The following ZMAT4 variants were observed in gnomAD, a reference collection of about 807,000 sequenced individuals.
ZMAT4 encodes zinc finger matrin-type protein 4.
Under a neutral mutation model 28.7 loss-of-function variants are expected in ZMAT4, and 17 were observed. That is an observed-to-expected ratio of 0.59 (90% confidence interval 0.41 to 0.89). The LOEUF is 0.89. Ranked by LOEUF, ZMAT4 falls within the 40% of genes least tolerant of loss-of-function variation. The pLI is 0.00. For synonymous variants in ZMAT4, 117 were observed against 109.2 expected (o/e 1.07, Z -0.44); for missense variants, 240 against 283.8 (o/e 0.85, Z 1.11).
chr8:40,589,731 C>CCTTTTTT (rs1554523987), intron 5 of ZMAT4, among the ~76,000 whole-genome samples: 16 of 139,274 alleles, frequency 1.1e-4, no homozygotes, highest in South Asian at 2.4e-4. Flanking sequence ...TTCTTCCTTT[C>CCTTTTTT]CTTTCTTTCT....
intron 5 of ZMAT4, among the ~76,000 whole-genome samples, chr8:40,591,407 T>C (rs1216863350): frequency 2.0e-5 from 3 of 152,150 alleles, no homozygotes; most frequent in Non-Finnish European, 2.9e-5. Context: ...GCCAGATGTG[T>C]GTGCAGGAAC....
chr8:40,874,985 G>A (rs910387899), intron 1 of ZMAT4, among the ~76,000 whole-genome samples: 16 of 152,182 alleles, frequency 1.1e-4, no homozygotes, highest in African/African-American at 3.9e-4. Flanking sequence ...GGAAGGGCAG[G>A]TGAAAGCCCC....
At position 40,752,917 on chromosome 8, in the gene ZMAT4, T is replaced by C. The variant is rs532055134; in HGVS notation, c.192+14724A>G. ...TTTACTTTAAGTTCTGGGATACATA[T>C]GCAGAACGTGCAGGTTTGTTACATA... On this transcript the variant is annotated intron_variant, in intron 3 of 6. Coordinates refer to ENST00000297737, the MANE Select transcript of ZMAT4 (RefSeq NM_024645.3). Among the ~76,000 whole-genome samples the C allele has an allele frequency of 2.2e-3, 332 of 152,258 alleles. 1 individual carries two copies. The highest frequency in any genetic ancestry group is 4.6e-3 in the Admixed American group (71 of 15,300).
chr8:40,677,836 T>C (rs1264508238), intron 4 of ZMAT4, among the ~76,000 whole-genome samples: 4 of 152,232 alleles, frequency 2.6e-5, no homozygotes, highest in African/African-American at 7.2e-5. Context: ...AGTTTGTTTT[T>C]ATTCTAATTG....
chr8:40,606,591 T>G (rs1805587630), intron 5 of ZMAT4, among the ~76,000 whole-genome samples: 1 of 152,258 alleles, frequency 6.6e-6, no homozygotes, highest in Admixed American at 6.5e-5. Flanking sequence ...CCTGATGTTT[T>G]TGCCTCATGG....
At chr8:40,628,377 A>C (rs1806451624) in intron 5 of ZMAT4, among the ~76,000 whole-genome samples, 1 of 152,246 alleles carries the variant, frequency 6.6e-6, no homozygotes, top group Non-Finnish European at 1.5e-5. Flanking sequence ...CGCGTTAAGC[A>C]TTTAATATAC....
chr8:40,583,047 G>A (rs1343356403), intron 5 of ZMAT4, among the ~76,000 whole-genome samples: 1 of 152,172 alleles, frequency 6.6e-6, no homozygotes, highest in Non-Finnish European at 1.5e-5. Context: ...AGAAAGAAAT[G>A]GGTAGAGACT....
chr8:40,601,014 C>T (rs901236472), intron 5 of ZMAT4, among the ~76,000 whole-genome samples: 1 of 152,192 alleles, frequency 6.6e-6, no homozygotes, highest in African/African-American at 2.4e-5. Flanking sequence ...AGACTCACCT[C>T]CATCCCATCA....
At chr8:40,834,453 T>C (rs910424268) in intron 1 of ZMAT4, among the ~76,000 whole-genome samples, 5 of 152,194 alleles carry the variant, frequency 3.3e-5, no homozygotes, top group Non-Finnish European at 7.4e-5. Flanking sequence ...ACAGATTTTC[T>C]ATGTGATTCA....
chr8:40,814,806 T>A (rs1258328627), intron 2 of ZMAT4, among the ~76,000 whole-genome samples: 1 of 151,916 alleles, frequency 6.6e-6, no homozygotes, highest in East Asian at 1.9e-4. Context: ...TTTTCATAGT[T>A]TTTGAATTGT....
At chr8:40,568,835 C>T (rs1052248025) in intron 6 of ZMAT4, among the ~76,000 whole-genome samples, 2 of 152,146 alleles carry the variant, frequency 1.3e-5, no homozygotes, top group East Asian at 1.9e-4. Flanking sequence ...AATAACCTTT[C>T]TTGATGGCTC....
intron 3 of ZMAT4, among the ~76,000 whole-genome samples, chr8:40,713,953 A>C (rs2150510544): frequency 6.6e-6 from 1 of 151,264 alleles, no homozygotes; most frequent in East Asian, 1.9e-4. Context: ...AAAGAAAAAG[A>C]AAAAAAGAAA....
intron 5 of ZMAT4, among the ~76,000 whole-genome samples, chr8:40,650,498 C>A (rs1807588843): frequency 7.9e-6 from 1 of 126,324 alleles, no homozygotes; most frequent in African/African-American, 2.7e-5. Context: ...ACCAGAGGTA[C>A]AAGGAGGAAC....
At chr8:40,672,807 G>A (rs892705384) in intron 5 of ZMAT4, among the ~76,000 whole-genome samples, 2 of 152,134 alleles carry the variant, frequency 1.3e-5, no homozygotes, top group African/African-American at 4.8e-5. Context: ...CAGCTATGGA[G>A]AGATCCTGCC....
At chr8:40,639,872 G>C (rs941898297) in intron 5 of ZMAT4, among the ~76,000 whole-genome samples, 1 of 151,974 alleles carries the variant, frequency 6.6e-6, no homozygotes, top group Non-Finnish European at 1.5e-5. Context: ...AAAGTGTGGA[G>C]ATAACTTTTT....
intron 2 of ZMAT4, among the ~76,000 whole-genome samples, chr8:40,812,524 C>CAG (rs1375882005): frequency 6.6e-6 from 1 of 152,210 alleles, no homozygotes; most frequent in East Asian, 1.9e-4. Context: ...GAGCAGCCTA[C>CAG]AGAGACATGA....
At chr8:40,717,357 CAAAAT>C (rs1810900138) in intron 3 of ZMAT4, among the ~76,000 whole-genome samples, 1 of 152,070 alleles carries the variant, frequency 6.6e-6, no homozygotes, top group African/African-American at 2.4e-5. Context: ...ATAAAATACT[CAAAAT>C]AAAGCATTCA....
intron 5 of ZMAT4, among the ~76,000 whole-genome samples, chr8:40,622,654 C>G (rs1046517116): frequency 2.0e-5 from 3 of 152,208 alleles, no homozygotes; most frequent in Non-Finnish European, 4.4e-5. Flanking sequence ...AGAACCATGG[C>G]ATCAGCATCT....
At chr8:40,555,129 T>C (rs777642638) in intron 6 of ZMAT4, among the ~76,000 whole-genome samples, 6 of 152,184 alleles carry the variant, frequency 3.9e-5, no homozygotes, top group Non-Finnish European at 8.8e-5. Context: ...CCATCAATGT[T>C]GCTGCAAATG....
Sources: allele counts gnomAD v4.1 joint callset (sites outside exome capture counted in the v4.1 genomes callset), GRCh38; gene constraint gnomAD v4.1.1; transcripts MANE v1.5; gene names NCBI Gene and HGNC (gene_info 2026-07-23, HGNC 2026-07-21).